The following LYRM4 variants were observed in gnomAD, a reference collection of about 807,000 sequenced individuals.
The protein encoded by LYRM4 is LYR motif-containing protein 4.
LYRM4 carries 9 observed loss-of-function variants against 11.7 expected under a neutral mutation model. That is an observed-to-expected ratio of 0.77 (90% CI 0.46 to 1.34). LYRM4 has a LOEUF of 1.34. Ranked by LOEUF, LYRM4 falls within the 40% of genes most tolerant of loss-of-function variation. The pLI is 0.00. For missense variants in LYRM4, 133 were observed against 112.5 expected, an observed-to-expected ratio of 1.18 and a Z score of -0.82; for synonymous variants, 42 against 40.4, an observed-to-expected ratio of 1.04 and a Z score of -0.15.
At chr6:5,215,206 C>T (rs1240596407) in intron 2 of LYRM4, among the ~76,000 whole-genome samples, 1 of 152,156 alleles carries the variant, frequency 6.6e-6, no homozygotes, top group Non-Finnish European at 1.5e-5. Context: ...CCTGTTTTGC[C>T]AACCTCTACA....
At chr6:5,146,182 C>T (rs1212718868) in intron 2 of LYRM4, among the ~76,000 whole-genome samples, 2 of 152,136 alleles carry the variant, frequency 1.3e-5, no homozygotes, top group East Asian at 3.9e-4. Flanking sequence ...AGTTCAGGGG[C>T]AGTTTAGTAG....
At position 5,216,604 on chromosome 6, in the gene LYRM4, T is replaced by C. The variant is rs373162644; in HGVS notation, c.207+14A>G. The C allele has an allele frequency of 7.7e-5, 124 of 1,613,908 alleles. No individual in the cohort carries two copies. In the Middle Eastern group the frequency reaches 1.2e-3, roughly 15 times the overall value. On this transcript the variant is annotated intron_variant, in intron 2 of 2. Coordinates refer to ENST00000330636, the MANE Select transcript of LYRM4 (RefSeq NM_020408.6). ...GCTCTTAATGAAAAACAGTACATCA[T>C]TGAACCATCTTACCTGTCGACGAAT...
chr6:5,192,556 C>A (rs1486857395), intron 2 of LYRM4, among the ~76,000 whole-genome samples: 2 of 152,094 alleles, frequency 1.3e-5, no homozygotes, highest in Non-Finnish European at 2.9e-5. Context: ...CCTTTGAGTC[C>A]CCCACTGTGC....
At chr6:5,258,593 C>A (rs1302571996) in intron 1 of LYRM4, among the ~76,000 whole-genome samples, 1 of 152,082 alleles carries the variant, frequency 6.6e-6, no homozygotes, top group Non-Finnish European at 1.5e-5. Context: ...CAAGACACAG[C>A]CTTAATGTAA....
At chr6:5,085,653 T>A in the LYRM4 span, 1 of 1,548,710 alleles carries the variant, frequency 6.5e-7, no homozygotes, top group African/African-American at 1.4e-5. Flanking sequence ...AGCTAGGGGA[T>A]AGGCCCCTGT....
chr6:5,105,106 C>T (rs1762623232), downstream of LYRM4: 1 of 152,194 alleles, frequency 6.6e-6, no homozygotes, highest in South Asian at 2.1e-4. Context: ...GAGATGCTCT[C>T]TGTATTAGTT....
intron 2 of LYRM4, among the ~76,000 whole-genome samples, chr6:5,161,486 T>C (rs1337292717): frequency 6.6e-6 from 1 of 152,240 alleles, no homozygotes; most frequent in Non-Finnish European, 1.5e-5. Context: ...TTGGAATAAC[T>C]TATGAAATCA....
chr6:5,192,955 G>A (rs541176082), intron 2 of LYRM4, among the ~76,000 whole-genome samples: 8 of 152,284 alleles, frequency 5.3e-5, no homozygotes, highest in African/African-American at 1.9e-4. Flanking sequence ...GAACCCAGGA[G>A]GCAGATTGTA....
intron 1 of LYRM4, among the ~76,000 whole-genome samples, chr6:5,229,956 C>T (rs925158574): frequency 6.6e-6 from 1 of 152,190 alleles, no homozygotes; most frequent in Non-Finnish European, 1.5e-5. Flanking sequence ...AAATTAAACC[C>T]TATCACTTGG....
At chr6:5,072,628 G>A in the LYRM4 span, among the ~76,000 whole-genome samples, 720 of 150,976 alleles carry the variant, frequency 4.8e-3, 3 homozygotes, top group Non-Finnish European at 8.3e-3. Flanking sequence ...GCCCAGGCTG[G>A]AGTTCAATGG....
At chr6:5,060,044 T>G in the LYRM4 span, among the ~76,000 whole-genome samples, 46 of 152,346 alleles carry the variant, frequency 3.0e-4, no homozygotes, top group African/African-American at 1.1e-3. Context: ...CCCTCCAACA[T>G]GAAATCTGGA....
chr6:5,125,911 C>G (rs1277380383), intron 2 of LYRM4, among the ~76,000 whole-genome samples: 1 of 152,210 alleles, frequency 6.6e-6, no homozygotes, highest in Non-Finnish European at 1.5e-5. Flanking sequence ...CCACTTTTCT[C>G]AGCATCAAGA....
chr6:5,208,213 C>T (rs1331983051), intron 2 of LYRM4, among the ~76,000 whole-genome samples: 1 of 152,178 alleles, frequency 6.6e-6, no homozygotes, highest in Non-Finnish European at 1.5e-5. Flanking sequence ...CTGCTGCCAC[C>T]ACCATCATAA....
chr6:5,186,395 G>T (rs1370372149), intron 2 of LYRM4, among the ~76,000 whole-genome samples: 1 of 152,190 alleles, frequency 6.6e-6, no homozygotes, highest in African/African-American at 2.4e-5. Context: ...GCAAAATGCA[G>T]GGAATTGAGG....
chr6:5,071,626 A>C, the LYRM4 span, among the ~76,000 whole-genome samples: 13 of 151,892 alleles, frequency 8.6e-5, no homozygotes, highest in East Asian at 2.1e-3. Context: ...GTATGTATAT[A>C]TATATGTGTA....
At chr6:5,165,600 T>C (rs1759035973) in intron 2 of LYRM4, among the ~76,000 whole-genome samples, 1 of 152,016 alleles carries the variant, frequency 6.6e-6, no homozygotes, top group Non-Finnish European at 1.5e-5. Flanking sequence ...TGGAGTGCAG[T>C]GGCGCGATCT....
chr6:5,223,937 C>A (rs577987362), intron 1 of LYRM4, among the ~76,000 whole-genome samples: 1 of 152,174 alleles, frequency 6.6e-6, no homozygotes, highest in East Asian at 1.9e-4. Flanking sequence ...TCAACTGCAT[C>A]GGCATGGATG....
chr6:5,109,992 T>C (rs1762807415), intron 2 of LYRM4, among the ~76,000 whole-genome samples: 1 of 152,212 alleles, frequency 6.6e-6, no homozygotes, highest in South Asian at 2.1e-4. Flanking sequence ...GTTGTCTGAG[T>C]GCCTGCACCT....
At chr6:5,241,089 GA>G (rs1368351182) in intron 1 of LYRM4, among the ~76,000 whole-genome samples, 2 of 152,226 alleles carry the variant, frequency 1.3e-5, no homozygotes, top group South Asian at 2.1e-4. Flanking sequence ...CAAAATGGGG[GA>G]AATTAAAAGT....
Sources: gnomAD v4.1 joint callset for allele counts (sites outside exome capture counted in the v4.1 genomes callset) on GRCh38, gnomAD v4.1.1 for gene constraint, MANE v1.5 for transcripts, NCBI Gene and HGNC (gene_info 2026-07-23, HGNC 2026-07-21) for gene names.